The following TET3 variants were observed in gnomAD, a reference collection of about 807,000 sequenced individuals.
TET3 encodes the protein methylcytosine dioxygenase TET3.
A neutral mutation model predicts 141.4 loss-of-function variants in TET3; 19 were observed. That is an observed-to-expected ratio of 0.13 (90% CI 0.09 to 0.20). TET3 has a LOEUF of 0.20. TET3 is among the 10% of genes least tolerant of loss of function. TET3 has a pLI of 1.00. For synonymous variants in TET3, 1,043 were observed against 980.9 expected, an observed-to-expected ratio of 1.06 and a Z score of -1.18; for missense variants, 1,874 against 2,356.9, an observed-to-expected ratio of 0.80 and a Z score of 4.24.
chr2:74,062,318 A>C (rs985256828), intron 4 of TET3, among the ~76,000 whole-genome samples: 1 of 152,250 alleles, frequency 6.6e-6, no homozygotes, highest in African/African-American at 2.4e-5. Context: ...GAGATGAATC[A>C]AAATAATAAT....
intron 4 of TET3, among the ~76,000 whole-genome samples, 189 bp downstream of exon 4, chr2:74,048,600 C>T (rs1055756602): frequency 3.3e-5 from 5 of 152,184 alleles, no homozygotes; most frequent in African/African-American, 1.2e-4. Context: ...TGATACTGTG[C>T]GTGTATGCCA....
At chr2:73,998,334 C>T (rs1684695584) in intron 2 of TET3, 3 of 152,192 alleles carry the variant, frequency 2.0e-5, no homozygotes, top group Admixed American at 2.0e-4. Flanking sequence ...GACTATAAGA[C>T]CTTTTCACGA....
At chr2:74,041,150 G>A (rs1365097348) in intron 3 of TET3, among the ~76,000 whole-genome samples, 1 of 152,164 alleles carries the variant, frequency 6.6e-6, no homozygotes, top group East Asian at 1.9e-4. Flanking sequence ...TGGTTTCAGT[G>A]CATTTTCTAG....
At chr2:74,018,001 CTT>C (rs1458427359) in intron 3 of TET3, among the ~76,000 whole-genome samples, 1 of 106,396 alleles carries the variant, frequency 9.4e-6, no homozygotes, top group Non-Finnish European at 1.7e-5. Flanking sequence ...GAGTTTTGCT[CTT>C]GTCGCCCAGG....
intron 3 of TET3, among the ~76,000 whole-genome samples, chr2:74,037,581 G>C (rs558128422): frequency 3.3e-5 from 5 of 152,324 alleles, no homozygotes; most frequent in Non-Finnish European, 4.4e-5. Flanking sequence ...ATGAGAATTC[G>C]CTTCAGGAGA....
At position 74,026,238 on chromosome 2, in the gene TET3, A is replaced by T. The variant is rs188361512; in HGVS notation, c.361-20040A>T. Among the ~76,000 whole-genome samples the T allele has an allele frequency of 1.4e-4, 20 of 147,800 alleles. No individual in the cohort carries two copies. The East Asian group carries it at 4.3e-3, about 32-fold the overall frequency. ...AGAGGGACTTTGACACTGGTCTGCC[A>T]CTGCCTCTCCCTGAGATCAGGGCTG... On this transcript the variant is annotated intron_variant, in intron 3 of 11. Coordinates refer to ENST00000409262, the MANE Select transcript of TET3 (RefSeq NM_001287491.2).
chr2:74,099,247 T>C (rs1388635983), intron 10 of TET3, 29 bp from the exon 11 acceptor site: 29 of 1,537,110 alleles, frequency 1.9e-5, no homozygotes, highest in East Asian at 2.4e-5. Context: ...CCCAACCCCA[T>C]GTCCTCTCTC....
At chr2:74,057,007 G>A (rs1688256691) in intron 4 of TET3, among the ~76,000 whole-genome samples, 1 of 152,198 alleles carries the variant, frequency 6.6e-6, no homozygotes, top group African/African-American at 2.4e-5. Flanking sequence ...GGCAGAGCAT[G>A]TTCCCCATTT....
At chr2:73,991,848 C>T (rs1219103618) in intron 2 of TET3, among the ~76,000 whole-genome samples, 3 of 141,360 alleles carry the variant, frequency 2.1e-5, no homozygotes, top group Admixed American at 7.1e-5. Flanking sequence ...GCTGATAGAA[C>T]AGTCATGAAT....
chr2:74,075,026 A>G (rs1318960490), intron 5 of TET3, among the ~76,000 whole-genome samples: 1 of 151,960 alleles, frequency 6.6e-6, no homozygotes, highest in East Asian at 1.9e-4. Context: ...GCCTGCCACC[A>G]CGCCTGGCTA....
intron 2 of TET3, among the ~76,000 whole-genome samples, chr2:73,991,009 A>G (rs747843232): frequency 1.3e-5 from 2 of 152,032 alleles, no homozygotes; most frequent in African/African-American, 2.4e-5. Context: ...GGGTTTCACC[A>G]TGTTGGCCAG....
intron 4 of TET3, among the ~76,000 whole-genome samples, chr2:74,058,161 C>A (rs950165775): frequency 2.6e-5 from 4 of 152,142 alleles, no homozygotes; most frequent in Non-Finnish European, 5.9e-5. Flanking sequence ...AAAGCAGAAT[C>A]AGAGTTAACA....
upstream of TET3, among the ~76,000 whole-genome samples, chr2:73,984,903 G>A (rs1159206898): frequency 6.8e-6 from 1 of 147,356 alleles, no homozygotes; most frequent in Admixed American, 6.7e-5. This position sits in a 1 kb window ranked among gnomAD's most constrained non-coding sequence, Gnocchi z 5.6. Context: ...GGTGCGCGGG[G>A]GGCGGGGAGT....
chr2:74,047,810 G>T lies in TET3; in HGVS notation c.1893G>T (p.Gly631=). 1 of 1,613,418 alleles carries T rather than the reference G, an allele frequency of 6.2e-7. No individual in the cohort carries two copies. Residue 631 remains glycine, a synonymous_variant, in exon 4 of 12, where the codon GGG becomes GGT. Coordinates refer to ENST00000409262, the MANE Select transcript of TET3 (RefSeq NM_001287491.2). ...FPPVRQIVLE[G]LRSPASQEVQ... The stretch of plus-strand genomic sequence containing the variant: ...CTGTCCGACAGATTGTCCTGGAAGG[G>T]CTTAGGTCCCCAGCCTCCCAGGAAG...
intron 11 of TET3, 63 bp from the exon 12 acceptor site, chr2:74,100,330 C>A: frequency 6.6e-7 from 1 of 1,510,956 alleles, no homozygotes; most frequent in Non-Finnish European, 8.9e-7. Context: ...AGTCCCCGAC[C>A]CAGGGCCTCT....
the TET3 span, among the ~76,000 whole-genome samples, chr2:74,117,878 T>C: frequency 6.6e-6 from 1 of 152,190 alleles, no homozygotes; most frequent in Non-Finnish European, 1.5e-5. Context: ...CCTGAGTAGC[T>C]GGGATTACAG....
chr2:74,118,190 G>A, the TET3 span, among the ~76,000 whole-genome samples: 1 of 152,232 alleles, frequency 6.6e-6, no homozygotes, highest in Non-Finnish European at 1.5e-5. Flanking sequence ...GTTTTCACGT[G>A]TCTTTCATTG....
chr2:74,130,568 A>C, the TET3 span: 1 of 152,200 alleles, frequency 6.6e-6, no homozygotes. Flanking sequence ...GTCTTATGTA[A>C]GACATTTCTT....
chr2:74,061,148 C>T (rs1688505120), intron 4 of TET3, among the ~76,000 whole-genome samples: 1 of 141,644 alleles, frequency 7.1e-6, no homozygotes, highest in Admixed American at 7.0e-5. Flanking sequence ...GGGGGGCTGA[C>T]CCCCCCCACT....
Sources: allele counts gnomAD v4.1 joint callset (sites outside exome capture counted in the v4.1 genomes callset), GRCh38; gene constraint gnomAD v4.1.1; non-coding constraint Gnocchi (gnomAD v3.1); transcripts MANE v1.5; gene names NCBI Gene and HGNC (gene_info 2026-07-23, HGNC 2026-07-21).